Variants in SLC35A3 observed in about 807,000 individuals in gnomAD.
SLC35A3 encodes UDP-N-acetylglucosamine transporter.
Under a neutral mutation model 39.0 loss-of-function variants are expected in SLC35A3, and 26 were observed. That is an observed-to-expected ratio of 0.67 (90% CI 0.49 to 0.92). The LOEUF is 0.92. Among genes scored for constraint, SLC35A3 ranks in the 40% least tolerant of loss-of-function variants. SLC35A3 has a pLI of 0.00. For missense variants in SLC35A3, 299 were observed against 371.6 expected (o/e 0.80, Z 1.61); for synonymous variants, 135 against 133.1 (o/e 1.01, Z -0.10).
intron 6 of SLC35A3, 84 bp from the exon 7 acceptor site, chr1:100,017,598 G>T: frequency 1.2e-6 from 1 of 843,518 alleles, no homozygotes; most frequent in Non-Finnish European, 1.8e-6. Context: ...TGGGACAAAA[G>T]CTTAAAGCTT....
intron 5 of SLC35A3, among the ~76,000 whole-genome samples, chr1:100,012,026 A>T (rs1435757939): frequency 1.3e-5 from 2 of 152,042 alleles, no homozygotes; most frequent in Non-Finnish European, 2.9e-5. Flanking sequence ...CAAACATTTT[A>T]TTTTAAATGA....
chr1:99,971,329 C>T (rs2101002321), intron 1 of SLC35A3, among the ~76,000 whole-genome samples: 1 of 148,288 alleles, frequency 6.7e-6, no homozygotes, highest in Admixed American at 6.7e-5. Flanking sequence ...TTTTTTTAGA[C>T]GGAGTCTCGC....
chr1:99,994,042 A>G (rs1232448754), intron 2 of SLC35A3, among the ~76,000 whole-genome samples: 1 of 152,102 alleles, frequency 6.6e-6, no homozygotes, highest in Non-Finnish European at 1.5e-5. Flanking sequence ...AAGAATCATA[A>G]TAATTTTTTT....
At chr1:99,993,430 A>G in intron 1 of SLC35A3, 107 bp from the exon 2 acceptor site, 1 of 788,102 alleles carries the variant, frequency 1.3e-6, no homozygotes, top group Non-Finnish European at 1.9e-6. Context: ...TGGCAGGTGG[A>G]GGAGAGACCT....
chr1:100,019,504 A>G (rs1043725964), intron 7 of SLC35A3, among the ~76,000 whole-genome samples: 1 of 152,216 alleles, frequency 6.6e-6, no homozygotes, highest in Non-Finnish European at 1.5e-5. Context: ...CTCTATCTTT[A>G]TGCATCTTAC....
intron 4 of SLC35A3, among the ~76,000 whole-genome samples, chr1:100,009,913 G>A (rs985073059): frequency 6.6e-6 from 1 of 152,144 alleles, no homozygotes; most frequent in Non-Finnish European, 1.5e-5. Flanking sequence ...GAAAATCTTG[G>A]ACTTGAGCTC....
At chr1:100,004,436 G>C (rs1291001922) in intron 3 of SLC35A3, among the ~76,000 whole-genome samples, 1 of 152,042 alleles carries the variant, frequency 6.6e-6, no homozygotes. Flanking sequence ...CAAGTAGCTG[G>C]GCCTACCCAT....
intron 5 of SLC35A3, among the ~76,000 whole-genome samples, chr1:100,014,909 A>G (rs527373573): frequency 6.6e-6 from 1 of 152,326 alleles, no homozygotes; most frequent in Non-Finnish European, 1.5e-5. Context: ...CTGTAATCCC[A>G]GGACTTTGTG....
rs1452557664 is a variant in SLC35A3 at position 100,023,102 on chromosome 1, A to G, written c.*626A>G. The G allele has an allele frequency of 6.6e-6, 1 of 152,212 alleles. No individual in the cohort carries two copies. Among genetic ancestry groups the G allele is most frequent in the Non-Finnish European group, 1.5e-5 (1 of 68,020 alleles). The allele number at this position is 152,212 out of a possible 1,614,324, so 9.4% of individuals were successfully genotyped here. Reference sequence around the variant, plus strand: ...AAATCTAAATTTAATGTAGAGATACATACTATTTCTCCATATGAATTTTAA... The same window carrying G: ...AAATCTAAATTTAATGTAGAGATACGTACTATTTCTCCATATGAATTTTAA... On this transcript the variant is annotated 3_prime_UTR_variant, in exon 8 of 8. Transcript: ENST00000533028.
chr1:99,979,499 T>C (rs1240734466), intron 1 of SLC35A3, among the ~76,000 whole-genome samples: 1 of 150,922 alleles, frequency 6.6e-6, no homozygotes, highest in East Asian at 2.0e-4. Context: ...AGTGGCGTGA[T>C]CTCGGCTCAC....
intron 1 of SLC35A3, among the ~76,000 whole-genome samples, chr1:99,980,486 A>C (rs931765859): frequency 4.5e-4 from 69 of 152,362 alleles, no homozygotes; most frequent in African/African-American, 1.6e-3. Context: ...ATTTTTATCT[A>C]AACATTAGAA....
At chr1:99,983,902 A>G (rs1218260138) in intron 1 of SLC35A3, among the ~76,000 whole-genome samples, 1 of 152,202 alleles carries the variant, frequency 6.6e-6, no homozygotes, top group Non-Finnish European at 1.5e-5. Flanking sequence ...GATTACAGGC[A>G]TGAGCCACCG....
At position 100,030,328 on chromosome 1, in the gene SLC35A3, TA is replaced by T. The variant is rs1447155523; in HGVS notation, c.*7853del. On this transcript the variant is annotated 3_prime_UTR_variant, in exon 8 of 8. Coordinates refer to ENST00000533028, the MANE Select transcript of SLC35A3 (RefSeq NM_012243.3). Reference sequence around the variant, plus strand: ...GGTTTAAAAGAATAATGAATATTGTTACAGTGTTTAGTGATAATCACTGAAA... The same window carrying T: ...GGTTTAAAAGAATAATGAATATTGTTCAGTGTTTAGTGATAATCACTGAAA... 2 of 152,254 alleles carry T rather than the reference TA, an allele frequency of 1.3e-5. No homozygotes were observed. Among genetic ancestry groups the T allele is most frequent in the Non-Finnish European group, 2.9e-5 (2 of 68,040 alleles). The allele number at this position is 152,254 out of a possible 1,614,324, so 9.4% of individuals were successfully genotyped here. A position where few individuals can be genotyped will look rare whatever the true frequency, so the allele number is the denominator to read the frequency against.
chr1:99,994,560 G>T (rs1173130079), intron 2 of SLC35A3, among the ~76,000 whole-genome samples: 1 of 152,012 alleles, frequency 6.6e-6, no homozygotes, highest in African/African-American at 2.4e-5. Context: ...GTCCTTTTAG[G>T]TCTGGCACTT....
At chr1:99,987,784 A>T (rs1411671878) in intron 1 of SLC35A3, among the ~76,000 whole-genome samples, 1 of 152,176 alleles carries the variant, frequency 6.6e-6, no homozygotes, top group Admixed American at 6.5e-5. Context: ...CTCTAAAGAG[A>T]TATACTATAA....
chr1:100,015,508 G>C, intron 6 of SLC35A3, 88 bp downstream of exon 6: 2 of 1,324,378 alleles, frequency 1.5e-6, no homozygotes, highest in Non-Finnish European at 1.9e-6. Context: ...CTGATGTGAG[G>C]GGGAAAAGGT....
intron 1 of SLC35A3, among the ~76,000 whole-genome samples, chr1:99,981,200 A>G (rs1403485944): frequency 6.6e-6 from 1 of 152,130 alleles, no homozygotes; most frequent in African/African-American, 2.4e-5. Context: ...TTTGTTTTTT[A>G]CCCTAGTAGT....
intron 2 of SLC35A3, among the ~76,000 whole-genome samples, chr1:99,996,110 G>C (rs1658384528): frequency 6.6e-6 from 1 of 152,128 alleles, no homozygotes; most frequent in Non-Finnish European, 1.5e-5. Flanking sequence ...ATTCCAGGTG[G>C]ATTAAAGATT....
Position 99,997,410 on chromosome 1 carries a change from T to TA in SLC35A3, c.188-1851_188-1850insA, listed in dbSNP as rs1658469252. ...ACAGTTATATGTTTTATATATAGTT[T>TA]TATATATATATATATATATATATAT... On this transcript the variant is annotated intron_variant, in intron 2 of 7. Coordinates refer to ENST00000533028, the MANE Select transcript of SLC35A3 (RefSeq NM_012243.3). 1.8e-3 allele frequency among the ~76,000 whole-genome samples: 164 copies of TA among 92,094 alleles called. 13 individuals are homozygous for TA. The highest frequency in any genetic ancestry group is 4.6e-3 in the African/African-American group (85 of 18,650). 60.4% of individuals were successfully genotyped at this position (92,094 alleles called of 152,430 possible).
Sources: gnomAD v4.1 joint callset for allele counts (sites outside exome capture counted in the v4.1 genomes callset) on GRCh38, gnomAD v4.1.1 for gene constraint, MANE v1.5 for transcripts, NCBI Gene and HGNC (gene_info 2026-07-23, HGNC 2026-07-21) for gene names.